Variants in COL6A6 observed in about 807,000 individuals in gnomAD.
The protein encoded by COL6A6 is collagen alpha-6(VI) chain.
In COL6A6, 183 loss-of-function variants were observed where a neutral mutation model predicts 208.6. That is an observed-to-expected ratio of 0.88 (90% CI 0.78 to 0.99). The LOEUF (loss-of-function observed/expected upper bound fraction) is 0.99. Ranked by LOEUF, COL6A6 falls within the 50% of genes least tolerant of loss-of-function variation. The probability of loss-of-function intolerance (pLI) is 0.00; values close to 1 mark genes in which losing one functional copy is unlikely to be tolerated. For missense variants in COL6A6, 2,816 were observed against 2,815.2 expected (o/e 1.00, Z -0.01); for synonymous variants, 973 against 1,011.8 (o/e 0.96, Z 0.73).
Position 130,571,201 on chromosome 3 carries a change from C to T in COL6A6, c.2785C>T (p.Leu929Phe). The change falls in exon 7 of 37, where the codon CTC becomes TTC. Residue 929 changes from leucine to phenylalanine, a missense_variant. Coordinates refer to ENST00000358511, the MANE Select transcript of COL6A6 (RefSeq NM_001102608.3). The stretch of plus-strand genomic sequence containing the variant: ...TGGGGAATCCCATGATGCTGATAAA[C>T]TCAATGCCACGGCAAAGGCCTTGCG... ...TDGESHDADK[L>F]NATAKALRDK... 1 of 1,613,658 alleles carries T rather than the reference C, an allele frequency of 6.2e-7. No homozygotes were observed. Among genetic ancestry groups the T allele is most frequent in the Non-Finnish European group, 8.5e-7 (1 of 1,179,708 alleles).
At chr3:130,618,198 T>C (rs1274204160) in intron 23 of COL6A6, among the ~76,000 whole-genome samples, 2 of 152,210 alleles carry the variant, frequency 1.3e-5, no homozygotes, top group Non-Finnish European at 2.9e-5. Flanking sequence ...GCAGGCATAG[T>C]GGCTGGGACT....
chr3:130,518,318 T>A (rs1354636404), intron 1 of COL6A6, among the ~76,000 whole-genome samples: 1 of 152,168 alleles, frequency 6.6e-6, no homozygotes, highest in African/African-American at 2.4e-5. Context: ...AATTCAGCAG[T>A]CATGTTACTT....
intron 1 of COL6A6, among the ~76,000 whole-genome samples, chr3:130,552,083 T>A (rs1441570508): frequency 6.6e-6 from 1 of 152,218 alleles, no homozygotes; most frequent in African/African-American, 2.4e-5. Context: ...TTAGAGTATG[T>A]GCCATGTGGT....
Position 130,634,631 on chromosome 3 carries a change from G to A in COL6A6, c.5028+6G>A, listed in dbSNP as rs185344931. 3.4e-5 allele frequency: 54 copies of A among 1,603,832 alleles called. No individual in the cohort carries two copies. Among genetic ancestry groups the A allele is most frequent in the African/African-American group, 3.2e-4 (24 of 74,906 alleles). On this transcript the variant is annotated splice_donor_region_variant and intron_variant, in intron 27 of 36. Transcript: ENST00000358511. Reference sequence around the variant, plus strand: ...CTGGAGAAAGTGGACCTAAGGTACCGTGTGCTTCCTAGTAACTAGAGATCA... The same window carrying A: ...CTGGAGAAAGTGGACCTAAGGTACCATGTGCTTCCTAGTAACTAGAGATCA...
At chr3:130,578,172 C>T (rs1242160480) in intron 8 of COL6A6, among the ~76,000 whole-genome samples, 1 of 152,120 alleles carries the variant, frequency 6.6e-6, no homozygotes, top group Non-Finnish European at 1.5e-5. Context: ...GAGCATCTCT[C>T]ATCTGATGTA....
intron 5 of COL6A6, 102 bp from the exon 6 acceptor site, chr3:130,567,945 C>T (rs1357570824): frequency 1.1e-5 from 8 of 759,884 alleles, no homozygotes; most frequent in East Asian, 2.6e-5. Context: ...TTACTAAGTA[C>T]ACATGTCAAT....
At chr3:130,622,495 G>A (rs1265029100) in intron 24 of COL6A6, among the ~76,000 whole-genome samples, 4 of 152,020 alleles carry the variant, frequency 2.6e-5, no homozygotes, top group Non-Finnish European at 5.9e-5. Flanking sequence ...AAAGATAAGG[G>A]GCTAAAATGG....
intron 19 of COL6A6, among the ~76,000 whole-genome samples, chr3:130,598,931 G>C (rs1474401375): frequency 2.0e-5 from 3 of 152,170 alleles, no homozygotes; most frequent in African/African-American, 7.2e-5. Flanking sequence ...TTTAAAAATA[G>C]TTGTCTAAAA....
chr3:130,604,270 G>C lies in COL6A6; in HGVS notation c.4654-2661G>C, dbSNP rs12487754. Among the ~76,000 whole-genome samples the C allele has an allele frequency of 6.7e-4, 102 of 152,094 alleles. 1 individual carries two copies. In the East Asian group the frequency reaches 0.011, roughly 17 times the overall value. ...GCACTTTGGGAGGCTCAGGCGGGCGGATCATGAGGTCAGGAGATCGAGACC... is the reference window on the plus strand; with the variant it reads ...GCACTTTGGGAGGCTCAGGCGGGCGCATCATGAGGTCAGGAGATCGAGACC... On this transcript the variant is annotated intron_variant, in intron 20 of 36. Transcript: ENST00000358511.
chr3:130,531,564 C>T (rs1414656343), intron 1 of COL6A6, among the ~76,000 whole-genome samples: 1 of 152,196 alleles, frequency 6.6e-6, no homozygotes, highest in African/African-American at 2.4e-5. Flanking sequence ...GGCTCAAAAT[C>T]ACTACTATCA....
At chr3:130,625,806 A>AAATGTACCCTACAAATGCAACTAGTGT (rs1191709256) in intron 24 of COL6A6, among the ~76,000 whole-genome samples, 24 of 152,370 alleles carry the variant, frequency 1.6e-4, no homozygotes, top group African/African-American at 5.3e-4. Context: ...CGGTTGTGAC[A>AAATGTACCCTACAAATGCAACTAGTGT]AATGTACCCT....
At position 130,554,929 on chromosome 3, in the gene COL6A6, G is replaced by T. The variant is rs143760479; in HGVS notation, c.-31-5405G>T. Among the ~76,000 whole-genome samples the T allele has an allele frequency of 4.5e-3, 684 of 152,206 alleles. 6 individuals are homozygous for T. Among genetic ancestry groups the T allele is most frequent in the African/African-American group, 0.016 (645 of 41,518 alleles). ...GAGCTATGACGTGGGCCCCTGAGAG[G>T]TACCTCAGTTGAGGTACCCCAGTTG... On this transcript the variant is annotated intron_variant, in intron 1 of 36. Transcript: ENST00000358511.
intron 1 of COL6A6, among the ~76,000 whole-genome samples, chr3:130,551,132 T>G (rs1036709444): frequency 7.1e-6 from 1 of 140,042 alleles, no homozygotes; most frequent in Non-Finnish European, 1.6e-5. Flanking sequence ...TTTTTTTTTC[T>G]GTGTGTGTGT....
intron 13 of COL6A6, among the ~76,000 whole-genome samples, chr3:130,592,278 A>G (rs867341982): frequency 1.3e-4 from 20 of 152,206 alleles, no homozygotes; most frequent in South Asian, 4.1e-4. Flanking sequence ...TATGTTAAGA[A>G]GGTTGGAAGG....
intron 1 of COL6A6, among the ~76,000 whole-genome samples, chr3:130,517,627 A>G (rs1287556076): frequency 6.6e-6 from 1 of 152,156 alleles, no homozygotes; most frequent in African/African-American, 2.4e-5. Flanking sequence ...TTCGCATCCG[A>G]CTGTTGAAGA....
chr3:130,614,198 G>A (rs1560068273), intron 23 of COL6A6, among the ~76,000 whole-genome samples: 15 of 152,068 alleles, frequency 9.9e-5, no homozygotes. Context: ...TCCCTGGTTT[G>A]TTGAGGGTTT....
At chr3:130,599,856 T>A in intron 20 of COL6A6, 46 bp downstream of exon 20, 1 of 1,591,450 alleles carries the variant, frequency 6.3e-7, no homozygotes, top group Admixed American at 1.7e-5. Flanking sequence ...TGGTGGCTCA[T>A]GTTGTGGTGA....
At chr3:130,671,589 A>G (rs1283674900) in intron 36 of COL6A6, among the ~76,000 whole-genome samples, 3 of 152,228 alleles carry the variant, frequency 2.0e-5, no homozygotes, top group African/African-American at 4.8e-5. Flanking sequence ...TACCTGAGCC[A>G]TTCAAGAGAG....
At chr3:130,525,556 A>G (rs1355817475) in intron 1 of COL6A6, among the ~76,000 whole-genome samples, 1 of 152,196 alleles carries the variant, frequency 6.6e-6, no homozygotes, top group East Asian at 1.9e-4. Context: ...GTATTTTTTT[A>G]AGCAAAAGTG....
Sources: allele counts gnomAD v4.1 joint callset (sites outside exome capture counted in the v4.1 genomes callset), GRCh38; gene constraint gnomAD v4.1.1; transcripts MANE v1.5; gene names NCBI Gene and HGNC (gene_info 2026-07-23, HGNC 2026-07-21).